Variants in INTU observed in about 807,000 individuals in gnomAD.
INTU encodes the protein protein inturned.
INTU carries 68 observed loss-of-function variants against 100.5 expected under a neutral mutation model. The ratio of observed to expected loss-of-function variants is 0.68; its 90% CI spans 0.56 to 0.83. The LOEUF (loss-of-function observed/expected upper bound fraction) is 0.83, where lower values mean the gene tolerates loss of function less well. Among genes scored for constraint, INTU ranks in the 40% least tolerant of loss-of-function variants. The pLI, the probability that INTU is intolerant of heterozygous loss-of-function variation, is 0.00. For missense variants in INTU, 1,071 were observed against 1,114.7 expected, an observed-to-expected ratio of 0.96 and a Z score of 0.56; for synonymous variants, 357 against 395.7, an observed-to-expected ratio of 0.90 and a Z score of 1.16.
rs780717536 is a variant in INTU, at chr4:127,710,773, G to A, written c.2370-140G>A. On this transcript the variant is annotated intron_variant, in intron 13 of 15. Transcript: ENST00000335251. ...AAGAGGGAATTAAATGTTTAGCCCA[G>A]TTTCCCTTCCCTAATTATACTACTA... is the stretch of plus-strand genomic sequence containing the variant. 5 of 458,402 alleles carry A rather than the reference G, an allele frequency of 1.1e-5. No individual in the cohort carries two copies. In the South Asian group the frequency reaches 4.2e-4, roughly 39 times the overall value. 28.4% of individuals were successfully genotyped at this position (458,402 alleles called of 1,614,324 possible). A position where few individuals can be genotyped will look rare whatever the true frequency, so the allele number is the denominator to read the frequency against.
intron 2 of INTU, among the ~76,000 whole-genome samples, chr4:127,651,180 C>G (rs1229664095): frequency 2.0e-5 from 3 of 151,944 alleles, no homozygotes; most frequent in African/African-American, 7.3e-5. Context: ...CCTGTTCACT[C>G]TGATGGTAGT....
chr4:127,713,492 A>AT (rs995572805), intron 14 of INTU, among the ~76,000 whole-genome samples: 7 of 152,132 alleles, frequency 4.6e-5, no homozygotes, highest in South Asian at 2.1e-4. Context: ...TTAAATATAT[A>AT]TTTTTTCAAT....
intron 8 of INTU, among the ~76,000 whole-genome samples, chr4:127,689,172 C>G (rs750025296): frequency 1.3e-5 from 2 of 151,424 alleles, no homozygotes; most frequent in Non-Finnish European, 2.9e-5. Context: ...TAAGTAGAGA[C>G]CAGGTTTCTC....
chr4:127,647,892 A>C (rs1381329960), intron 2 of INTU, among the ~76,000 whole-genome samples: 3 of 152,148 alleles, frequency 2.0e-5, no homozygotes, highest in Non-Finnish European at 4.4e-5. Flanking sequence ...AGCAGTAAAC[A>C]AACTTTTGCA....
chr4:127,701,294 G>C (rs978933693), intron 9 of INTU, among the ~76,000 whole-genome samples: 2 of 152,130 alleles, frequency 1.3e-5, no homozygotes, highest in Admixed American at 6.6e-5. Flanking sequence ...GGCGTGAGGT[G>C]GGGGAGAAGG....
At chr4:127,644,795 A>G (rs1162572988) in intron 2 of INTU, among the ~76,000 whole-genome samples, 2 of 152,254 alleles carry the variant, frequency 1.3e-5, no homozygotes, top group Non-Finnish European at 1.5e-5. Context: ...CTAAAAGCTG[A>G]CAGTCTTTTA....
At chr4:127,668,383 T>C (rs1327883449) in intron 4 of INTU, among the ~76,000 whole-genome samples, 1 of 151,984 alleles carries the variant, frequency 6.6e-6, no homozygotes, top group African/African-American at 2.4e-5. Flanking sequence ...TAAAATAAAA[T>C]ATGCTCTTTT....
chr4:127,707,103 C>A (rs1238684860), intron 12 of INTU, 134 bp downstream of exon 12: 6 of 1,055,916 alleles, frequency 5.7e-6, no homozygotes, highest in Non-Finnish European at 8.2e-6. Flanking sequence ...TCACTGCTGG[C>A]AAACCAATGA....
chr4:127,637,266 T>G (rs528611177), intron 1 of INTU, among the ~76,000 whole-genome samples: 27 of 152,316 alleles, frequency 1.8e-4, no homozygotes, highest in African/African-American at 6.5e-4. Flanking sequence ...CCACTGCCAG[T>G]TTGCTTTCTA....
rs563440138 is a variant in INTU at position 127,693,884 on chromosome 4, T to C, written c.1449+6017T>C. On this transcript the variant is annotated intron_variant, in intron 8 of 15. Coordinates refer to ENST00000335251, the MANE Select transcript of INTU (RefSeq NM_015693.4). ...ATGTAGTGTATCATTTATTGACTTA[T>C]GTATGTTAAACCATCCCTGCATTCC... is the stretch of plus-strand genomic sequence containing the variant. 6.0e-4 allele frequency among the ~76,000 whole-genome samples: 92 copies of C among 152,252 alleles called. 1 individual carries two copies. The highest frequency in any genetic ancestry group is 2.1e-3 in the African/African-American group (88 of 41,568).
rs376140813 is a variant in INTU at position 127,705,799 on chromosome 4, T to A, written c.1775T>A (p.Leu592Gln). 6.2e-7 allele frequency: 1 copy of A among 1,613,730 alleles called. No individual in the cohort carries two copies. Among genetic ancestry groups the A allele is most frequent in the African/African-American group, 1.3e-5 (1 of 74,938 alleles). Residue 592 changes from leucine (L) to glutamine (Q), a missense_variant, in exon 11 of 16, where the codon CTA becomes CAA. By Grantham distance (113) the Leu-to-Gln change is moderately radical. Coordinates refer to ENST00000335251, the MANE Select transcript of INTU (RefSeq NM_015693.4). ...GAACCTGAAGGAAGATATTTTTTGCTAGTTGTTGGCTTGGTAAGTTTACCT... is the reference window on the plus strand; with the variant it reads ...GAACCTGAAGGAAGATATTTTTTGCAAGTTGTTGGCTTGGTAAGTTTACCT... The part of the protein sequence containing the change: ...FPEPEGRYFL[L>Q]VVGLKHYMLC...
chr4:127,641,314 A>G (rs960462852), intron 1 of INTU, among the ~76,000 whole-genome samples: 6 of 152,118 alleles, frequency 3.9e-5, no homozygotes, highest in Non-Finnish European at 1.5e-5. Context: ...CCTTAGGGTG[A>G]TCTAAAAAGC....
At chr4:127,692,406 T>G (rs779106404) in intron 8 of INTU, among the ~76,000 whole-genome samples, 1 of 152,212 alleles carries the variant, frequency 6.6e-6, no homozygotes, top group Non-Finnish European at 1.5e-5. Context: ...AATTGTCCGT[T>G]CATCTCCTTA....
intron 1 of INTU, among the ~76,000 whole-genome samples, chr4:127,637,644 G>A (rs983560776): frequency 2.6e-5 from 4 of 152,116 alleles, no homozygotes; most frequent in Non-Finnish European, 4.4e-5. Context: ...CTTTATTCCT[G>A]AGTGTTGGCA....
chr4:127,672,467 C>CTTTTTTTT, intron 5 of INTU, among the ~76,000 whole-genome samples: 1 of 115,240 alleles, frequency 8.7e-6, no homozygotes, highest in Non-Finnish European at 1.9e-5. Context: ...TGCGGTGTTG[C>CTTTTTTTT]TTTTTTTTTT....
chr4:127,639,614 T>A (rs1578522252), intron 1 of INTU, among the ~76,000 whole-genome samples: 1 of 152,268 alleles, frequency 6.6e-6, no homozygotes, highest in African/African-American at 2.4e-5. Flanking sequence ...AATACACTAA[T>A]CATTTATCCT....
intron 5 of INTU, among the ~76,000 whole-genome samples, chr4:127,671,291 A>G (rs1039674826): frequency 2.6e-5 from 4 of 152,140 alleles, no homozygotes; most frequent in Non-Finnish European, 5.9e-5. Context: ...AACCCCATTA[A>G]AAAGTGGGCA....
chr4:127,704,172 G>A, intron 9 of INTU, 56 bp from the exon 10 acceptor site: 1 of 1,424,626 alleles, frequency 7.0e-7, no homozygotes, highest in Non-Finnish European at 9.7e-7. Context: ...AGCTTAATTG[G>A]AATTTTTATC....
In INTU at chr4:127,704,277, C is replaced by G; in HGVS notation, c.1553C>G (p.Ser518Cys). 1.2e-6 allele frequency: 2 copies of G among 1,609,870 alleles called. No homozygotes were observed. Among genetic ancestry groups the G allele is most frequent in the Non-Finnish European group, 1.7e-6 (2 of 1,177,576 alleles). The change falls in exon 10 of 16, where the codon TCT (serine) becomes TGT (cysteine). Residue 518 changes from serine (S) to cysteine (C), a missense_variant. Ser to Cys is a moderately radical substitution (Grantham distance 112, BLOSUM62 -1). Coordinates refer to ENST00000335251, the MANE Select transcript of INTU (RefSeq NM_015693.4). ...CGGCTGTATACAATTTTGGGGTCTT[C>G]TCTATTTTACAAGGTAAGTTGAAGC... ...MRRLYTILGS[S>C]LFYKGYLICS...
Sources: gnomAD v4.1 joint callset for allele counts (sites outside exome capture counted in the v4.1 genomes callset) on GRCh38, gnomAD v4.1.1 for gene constraint, MANE v1.5 for transcripts, NCBI Gene and HGNC (gene_info 2026-07-23, HGNC 2026-07-21) for gene names.